The following GRM1 variants were observed in gnomAD, a reference collection of about 807,000 sequenced individuals.
GRM1 encodes the protein glutamate metabotropic receptor 1.
In GRM1, 33 loss-of-function variants were observed where a neutral mutation model predicts 90.9. That is an observed-to-expected ratio of 0.36 (90% CI 0.28 to 0.49). The LOEUF is 0.49. Ranked by LOEUF, GRM1 falls within the 20% of genes least tolerant of loss-of-function variation. The pLI is 0.99. For synonymous variants in GRM1, 700 were observed against 613.2 expected (o/e 1.14, Z -2.09); for missense variants, 1,190 against 1,534.3 (o/e 0.78, Z 3.75).
intron 2 of GRM1, among the ~76,000 whole-genome samples, chr6:146,238,412 C>T (rs1562549002): frequency 6.6e-6 from 1 of 152,140 alleles, no homozygotes; most frequent in East Asian, 1.9e-4. Context: ...TCACATTTTA[C>T]ACCAGTAGGT....
In GRM1 at chr6:146,397,473, CAAAAAAA is replaced by C. The variant is rs1195779695; in HGVS notation, c.1730-1292_1730-1286del. On this transcript the variant is annotated intron_variant, in intron 6 of 7. Transcript: ENST00000282753. ...TGGGCAACAGAGTGAGACCCCGTCTCAAAAAAAAAAGAAAAAAAAAAAAAAAAAAAAA... is the reference window on the plus strand; with the variant it reads ...TGGGCAACAGAGTGAGACCCCGTCTCAAAGAAAAAAAAAAAAAAAAAAAAA... 3.6e-4 allele frequency among the ~76,000 whole-genome samples: 6 copies of C among 16,774 alleles called. No individual in the cohort carries two copies. The East Asian group carries it at 6.1e-3, about 17-fold the overall frequency. The allele number at this position is 16,774 out of a possible 152,430, so 11.0% of individuals were successfully genotyped here.
intron 2 of GRM1, among the ~76,000 whole-genome samples, chr6:146,209,589 A>G (rs979322295): frequency 1.3e-5 from 2 of 152,142 alleles, no homozygotes; most frequent in African/African-American, 4.8e-5. Flanking sequence ...TGAAAGATTC[A>G]TGGAAAATGG....
intron 1 of GRM1, among the ~76,000 whole-genome samples, chr6:146,102,799 C>T (rs1777094737): frequency 6.6e-6 from 1 of 152,110 alleles, no homozygotes; most frequent in Non-Finnish European, 1.5e-5. Flanking sequence ...TTTTTCAACA[C>T]TTTTAGGTGT....
chr6:146,098,025 C>A (rs1345328210), intron 1 of GRM1, among the ~76,000 whole-genome samples: 2 of 152,080 alleles, frequency 1.3e-5, no homozygotes, highest in African/African-American at 2.4e-5. Flanking sequence ...TTATGGTGCA[C>A]AAGCTCCATA....
chr6:146,386,781 ATAGT>A (rs1776522390), intron 5 of GRM1, 105 bp from the exon 6 acceptor site: 1 of 784,434 alleles, frequency 1.3e-6, no homozygotes, highest in Middle Eastern at 2.7e-4. Context: ...GATTATTTTC[ATAGT>A]TAGTCTTTTT....
chr6:146,150,668 G>A (rs370647613), intron 1 of GRM1, among the ~76,000 whole-genome samples: 60 of 152,042 alleles, frequency 3.9e-4, no homozygotes, highest in Non-Finnish European at 7.2e-4. Flanking sequence ...TTATCTAGCT[G>A]TATTTTTGTA....
chr6:146,030,834 T>C (rs1017428129), intron 1 of GRM1, among the ~76,000 whole-genome samples: 2 of 152,230 alleles, frequency 1.3e-5, no homozygotes, highest in East Asian at 1.9e-4. Flanking sequence ...ATTTAAATAA[T>C]GTATTTTCTT....
At chr6:146,170,414 C>T (rs912292332) in intron 2 of GRM1, among the ~76,000 whole-genome samples, 1 of 152,102 alleles carries the variant, frequency 6.6e-6, no homozygotes. Flanking sequence ...GGTACACTCA[C>T]TTAAAGGTAT....
chr6:146,285,403 G>A (rs902756121), intron 2 of GRM1, among the ~76,000 whole-genome samples: 10 of 152,152 alleles, frequency 6.6e-5, no homozygotes, highest in Non-Finnish European at 1.2e-4. Context: ...TACTGTCTCA[G>A]AGTGACAAAC....
At chr6:146,140,495 A>G (rs1402589608) in intron 1 of GRM1, among the ~76,000 whole-genome samples, 1 of 152,014 alleles carries the variant, frequency 6.6e-6, no homozygotes, top group African/African-American at 2.4e-5. Flanking sequence ...TCTTGAATTC[A>G]TGGCTTCACA....
intron 1 of GRM1, among the ~76,000 whole-genome samples, chr6:146,058,846 CAGA>C (rs1775571974): frequency 6.6e-6 from 1 of 152,076 alleles, no homozygotes; most frequent in Non-Finnish European, 1.5e-5. Flanking sequence ...TTAGTTCATC[CAGA>C]AGAAGTAACT....
At chr6:146,180,781 T>G (rs553272577) in intron 2 of GRM1, among the ~76,000 whole-genome samples, 1 of 152,220 alleles carries the variant, frequency 6.6e-6, no homozygotes, top group Non-Finnish European at 1.5e-5. Flanking sequence ...CTGGTTTTAC[T>G]TTTAACACAC....
chr6:146,280,851 C>G (rs906703057), intron 2 of GRM1, among the ~76,000 whole-genome samples: 3 of 151,918 alleles, frequency 2.0e-5, no homozygotes, highest in Non-Finnish European at 2.9e-5. Context: ...GGGTCTTGAA[C>G]TCCTGGCCTC....
At position 146,434,463 on chromosome 6, in the gene GRM1, C is replaced by A; in HGVS notation, c.3252C>A (p.Thr1084=). ...AGATGCTGCCGCTGCAGCTGAGCAC[C>A]TTTGGGGAGGAGCTGGTCTCCCCGC... ...HLQMLPLQLS[T]FGEELVSPPA... Residue 1084 remains threonine, a synonymous_variant, in exon 8 of 8, where the codon ACC becomes ACA. Transcript: ENST00000282753. 1 of 1,613,998 alleles carries A rather than the reference C, an allele frequency of 6.2e-7. No homozygotes were observed. Among genetic ancestry groups the A allele is most frequent in the African/African-American group, 1.3e-5 (1 of 75,056 alleles).
intron 5 of GRM1, among the ~76,000 whole-genome samples, chr6:146,372,017 T>C (rs4555939): frequency 0.43 from 65,618 of 151,472 alleles, 14,278 homozygotes; most frequent in African/African-American, 0.5. Context: ...CGATGTTTAG[T>C]TTTTTTAAGG....
chr6:146,361,825 A>G (rs1775487737), intron 5 of GRM1, among the ~76,000 whole-genome samples: 1 of 152,210 alleles, frequency 6.6e-6, no homozygotes, highest in Non-Finnish European at 1.5e-5. Context: ...TCATTATATG[A>G]ACTGGCACAT....
chr6:146,121,713 C>A (rs1198747028), intron 1 of GRM1, among the ~76,000 whole-genome samples: 1 of 152,156 alleles, frequency 6.6e-6, no homozygotes, highest in Non-Finnish European at 1.5e-5. Flanking sequence ...CATTCAGGAG[C>A]AGGTTGTTCA....
intron 3 of GRM1, among the ~76,000 whole-genome samples, chr6:146,316,069 G>A (rs1288787024): frequency 6.6e-6 from 1 of 152,116 alleles, no homozygotes; most frequent in Admixed American, 6.5e-5. Context: ...AGCCTATGAC[G>A]TAACCTCTAA....
At chr6:146,296,358 G>A (rs999803025) in intron 2 of GRM1, among the ~76,000 whole-genome samples, 11 of 152,112 alleles carry the variant, frequency 7.2e-5, no homozygotes, top group Non-Finnish European at 1.6e-4. Flanking sequence ...CATACATTCT[G>A]GAATGATTAA....
Sources: allele counts gnomAD v4.1 joint callset (sites outside exome capture counted in the v4.1 genomes callset), GRCh38; gene constraint gnomAD v4.1.1; transcripts MANE v1.5; gene names NCBI Gene and HGNC (gene_info 2026-07-23, HGNC 2026-07-21).